FRK: variants seen among roughly 807,000 people sequenced by gnomAD.
FRK encodes the protein fyn related Src family tyrosine kinase.
A neutral mutation model predicts 56.4 loss-of-function variants in FRK; 51 were observed. The ratio of observed to expected loss-of-function variants is 0.90; its 90% CI spans 0.72 to 1.14. The LOEUF (loss-of-function observed/expected upper bound fraction) is 1.14. Among genes scored for constraint, FRK ranks in the 50% most tolerant of loss-of-function variants. The pLI is 0.00. For synonymous variants in FRK, 245 were observed against 217.9 expected, an observed-to-expected ratio of 1.12 and a Z score of -1.10; for missense variants, 570 against 601.4, an observed-to-expected ratio of 0.95 and a Z score of 0.55.
the FRK span, among the ~76,000 whole-genome samples, chr6:116,093,508 C>A: frequency 6.6e-6 from 1 of 152,174 alleles, no homozygotes; most frequent in Non-Finnish European, 1.5e-5. Flanking sequence ...AATGCTTTAG[C>A]TGCAGTCCGA....
At chr6:116,053,151 G>C (rs1025859984) in intron 1 of FRK, among the ~76,000 whole-genome samples, 4 of 151,984 alleles carry the variant, frequency 2.6e-5, no homozygotes, top group African/African-American at 9.7e-5. Context: ...GCATACCATA[G>C]GCTAGGTCAA....
At chr6:116,081,421 C>T in the FRK span, among the ~76,000 whole-genome samples, 1 of 152,114 alleles carries the variant, frequency 6.6e-6, no homozygotes, top group African/African-American at 2.4e-5. Context: ...CTTTGGGAGG[C>T]CAAGGTGGGC....
chr6:116,011,086 G>T (rs957457010), intron 1 of FRK, among the ~76,000 whole-genome samples: 1 of 125,962 alleles, frequency 7.9e-6, no homozygotes, highest in Non-Finnish European at 1.8e-5. Context: ...AAGGCAGTGA[G>T]CCTTAAAAAA....
At chr6:115,988,314 A>T (rs1233765782) in intron 2 of FRK, among the ~76,000 whole-genome samples, 1 of 152,072 alleles carries the variant, frequency 6.6e-6, no homozygotes, top group African/African-American at 2.4e-5. Flanking sequence ...TATATCATGA[A>T]CACATTTTGT....
At chr6:116,091,335 T>A in the FRK span, among the ~76,000 whole-genome samples, 98 of 152,218 alleles carry the variant, frequency 6.4e-4, no homozygotes, top group Non-Finnish European at 7.9e-4. Context: ...TGGGGACAAA[T>A]AAGGGAATAA....
intron 1 of FRK, among the ~76,000 whole-genome samples, chr6:116,016,933 C>T (rs1775679868): frequency 6.6e-6 from 1 of 152,086 alleles, no homozygotes; most frequent in Admixed American, 6.5e-5. Context: ...AAAAAGAAAG[C>T]CTGAAACAGT....
At chr6:116,004,788 A>G (rs1775190655) in intron 1 of FRK, among the ~76,000 whole-genome samples, 1 of 152,202 alleles carries the variant, frequency 6.6e-6, no homozygotes. Context: ...TCAAATGTAT[A>G]TCATGTTAGT....
At chr6:116,022,025 A>T (rs796398530) in intron 1 of FRK, among the ~76,000 whole-genome samples, 28 of 151,994 alleles carry the variant, frequency 1.8e-4, no homozygotes, top group African/African-American at 6.5e-4. Flanking sequence ...TTAAATTAAT[A>T]AAAAAAATGT....
At position 116,060,066 on chromosome 6, in the gene FRK, G is replaced by A; in HGVS notation, c.246C>T (p.Ala82=). 6.2e-7 allele frequency: 1 copy of A among 1,614,104 alleles called. No homozygotes were observed. Among genetic ancestry groups the A allele is most frequent in the Non-Finnish European group, 8.5e-7 (1 of 1,180,036 alleles). ...LDTLHEGWWF[A]RHLEKRRDGS... ...CATCTCGTCTTTTCTCCAAGTGTCT[G>A]GCAAACCACCAGCCCTCATGCAAAG... Residue 82 remains alanine, a synonymous_variant, in exon 1 of 8, where the codon GCC becomes GCT. Transcript: ENST00000606080.
chr6:116,019,257 A>ACATG (rs1775771633), intron 1 of FRK, among the ~76,000 whole-genome samples: 1 of 152,226 alleles, frequency 6.6e-6, no homozygotes, highest in South Asian at 2.1e-4. Flanking sequence ...CTAGCACAAC[A>ACATG]CATGGTATTA....
intron 1 of FRK, among the ~76,000 whole-genome samples, chr6:116,010,809 T>C (rs1401219865): frequency 6.6e-6 from 1 of 152,222 alleles, no homozygotes. Context: ...ATAGTAGAGA[T>C]TTTAAGATAA....
At chr6:116,062,107 C>T (rs955644279), upstream of FRK, among the ~76,000 whole-genome samples, 11 of 152,112 alleles carry the variant, frequency 7.2e-5, no homozygotes, top group African/African-American at 2.7e-4. Context: ...CAGTCCATAG[C>T]AGTGGACAGA....
rs548633955 is a variant in FRK at position 115,976,666 on chromosome 6, A to T, written c.467-7927T>A. Among the ~76,000 whole-genome samples the T allele has an allele frequency of 1.1e-4, 16 of 152,270 alleles. No individual in the cohort carries two copies. The South Asian group carries it at 3.1e-3, about 30-fold the overall frequency. ...ATTGAGCAAAGGAATGAAAATCAAG[A>T]ACTCACTCCCCTAATCTTATTCTGC... is the stretch of plus-strand genomic sequence containing the variant. On this transcript the variant is annotated intron_variant, in intron 2 of 7. Coordinates refer to ENST00000606080, the MANE Select transcript of FRK (RefSeq NM_002031.3).
chr6:116,055,456 A>G (rs1021542513), intron 1 of FRK, among the ~76,000 whole-genome samples: 15 of 152,190 alleles, frequency 9.9e-5, no homozygotes, highest in African/African-American at 3.6e-4. Flanking sequence ...GAGAAGAAAA[A>G]CTTTCTACAA....
chr6:115,956,450 A>G lies in FRK; in HGVS notation c.958+2T>C. 1.3e-6 allele frequency: 2 copies of G among 1,518,020 alleles called. No homozygotes were observed. The highest frequency in any genetic ancestry group is 1.8e-6 in the Non-Finnish European group (2 of 1,130,706). 94.0% of individuals were successfully genotyped at this position (1,518,020 alleles called of 1,614,324 possible). A position where few individuals can be genotyped will look rare whatever the true frequency, so the allele number is the denominator to read the frequency against. On this transcript the variant is annotated splice_donor_variant, in intron 5 of 7. Transcript: ENST00000606080. LOFTEE classifies it high-confidence loss of function. Reference sequence around the variant, plus strand: ...TTTCCTTGTATTAAGTCTTTAGCTTACTTTGGAGATATTCTTGCAGACTTC... The same window carrying G: ...TTTCCTTGTATTAAGTCTTTAGCTTGCTTTGGAGATATTCTTGCAGACTTC...
chr6:115,979,418 A>G (rs991236878), intron 2 of FRK, among the ~76,000 whole-genome samples: 4 of 152,170 alleles, frequency 2.6e-5, no homozygotes. Context: ...GAGCTGTAAA[A>G]TGTGTTTGTT....
intron 2 of FRK, among the ~76,000 whole-genome samples, chr6:116,000,217 T>C (rs987222086): frequency 3.0e-4 from 26 of 87,900 alleles, no homozygotes; most frequent in African/African-American, 1.1e-3. Context: ...GAAAATATCA[T>C]TCTTTCTTTT....
At chr6:116,007,390 A>G (rs1469344170) in intron 1 of FRK, among the ~76,000 whole-genome samples, 1 of 152,176 alleles carries the variant, frequency 6.6e-6, no homozygotes, top group Admixed American at 6.6e-5. Context: ...AGGGAAGTTT[A>G]TTAACTTGAG....
At chr6:115,986,617 A>C (rs963188901) in intron 2 of FRK, among the ~76,000 whole-genome samples, 1 of 152,178 alleles carries the variant, frequency 6.6e-6, no homozygotes, top group African/African-American at 2.4e-5. Flanking sequence ...TGTTTTAAAG[A>C]GGTGATCTCT....
Sources: allele counts gnomAD v4.1 joint callset (sites outside exome capture counted in the v4.1 genomes callset), GRCh38; gene constraint gnomAD v4.1.1; transcripts MANE v1.5; gene names NCBI Gene and HGNC (gene_info 2026-07-23, HGNC 2026-07-21).